The following ZNF407 variants were observed in gnomAD, a reference collection of about 807,000 sequenced individuals.
ZNF407 encodes the protein zinc finger protein 407.
A neutral mutation model predicts 131.2 loss-of-function variants in ZNF407; 17 were observed. The ratio of observed to expected loss-of-function variants is 0.13; its 90% CI spans 0.09 to 0.19. ZNF407 has a LOEUF of 0.19. Ranked by LOEUF, ZNF407 falls within the 10% of genes least tolerant of loss-of-function variation. The pLI is 1.00. For synonymous variants in ZNF407, 1,156 were observed against 1,062.0 expected, an observed-to-expected ratio of 1.09 and a Z score of -1.72; for missense variants, 2,681 against 2,830.6, an observed-to-expected ratio of 0.95 and a Z score of 1.20.
At chr18:75,019,871 C>G (rs1198397768) in intron 8 of ZNF407, among the ~76,000 whole-genome samples, 1 of 152,012 alleles carries the variant, frequency 6.6e-6, no homozygotes, top group Non-Finnish European at 1.5e-5. Context: ...TTTTGAACAA[C>G]CAGGTCTCAT....
Position 74,889,230 on chromosome 18 carries a change from C to T in ZNF407, c.5129-688C>T, listed in dbSNP as rs572175070. Reference sequence around the variant, plus strand: ...TCACCACAATGCAGTCGCCTAGTCACGCATTTCTTAGAACCTGTCCCTGCC... The same window carrying T: ...TCACCACAATGCAGTCGCCTAGTCATGCATTTCTTAGAACCTGTCCCTGCC... On this transcript the variant is annotated intron_variant, in intron 6 of 8. Coordinates refer to ENST00000299687, the MANE Select transcript of ZNF407 (RefSeq NM_017757.3). Among the ~76,000 whole-genome samples the T allele has an allele frequency of 5.9e-5, 9 of 152,206 alleles. No homozygotes were observed. In the South Asian group the frequency reaches 8.3e-4, roughly 14 times the overall value.
intron 4 of ZNF407, among the ~76,000 whole-genome samples, chr18:74,858,328 C>G (rs1237772197): frequency 6.6e-6 from 1 of 151,638 alleles, no homozygotes; most frequent in East Asian, 1.9e-4. Flanking sequence ...TTGTATTAAC[C>G]TCCTCTTACT....
At chr18:74,905,776 A>G (rs1465930324) in intron 7 of ZNF407, 1 of 152,250 alleles carries the variant, frequency 6.6e-6, no homozygotes, top group Admixed American at 6.5e-5. Flanking sequence ...ATCCCATTCA[A>G]TAAATAGCTA....
At chr18:74,922,080 C>G (rs1971853730) in intron 8 of ZNF407, among the ~76,000 whole-genome samples, 1 of 152,174 alleles carries the variant, frequency 6.6e-6, no homozygotes, top group Non-Finnish European at 1.5e-5. Context: ...CAAACAAAAA[C>G]AGAGGTCTCT....
intron 3 of ZNF407, among the ~76,000 whole-genome samples, chr18:74,729,438 T>C (rs1258164468): frequency 6.6e-6 from 1 of 152,164 alleles, no homozygotes; most frequent in Non-Finnish European, 1.5e-5. Flanking sequence ...ATGGTTTACA[T>C]AGTATGGATT....
intron 1 of ZNF407, among the ~76,000 whole-genome samples, chr18:74,606,578 A>G (rs1982818181): frequency 6.6e-6 from 1 of 152,104 alleles, no homozygotes; most frequent in African/African-American, 2.4e-5. Context: ...TGATTTTCAT[A>G]CTTGTTTTAT....
In ZNF407 at chr18:74,635,409, G is replaced by T. The variant is rs1352219321; in HGVS notation, c.4390G>T (p.Ala1464Ser). 1 of 1,613,786 alleles carries T rather than the reference G, an allele frequency of 6.2e-7. No individual in the cohort carries two copies. Among genetic ancestry groups the T allele is most frequent in the African/African-American group, 1.3e-5 (1 of 75,060 alleles). The change falls in exon 2 of 9, where the codon GCT (alanine) becomes TCT (serine). Residue 1464 changes from alanine (A) to serine (S), a missense_variant. This residue lies in a region of ZNF407 where 213 missense variants were observed against 332.2 expected (regional missense o/e 0.64). Transcript: ENST00000299687. This position sits in a 1 kb window ranked among gnomAD's most constrained non-coding sequence, Gnocchi z 4.7. ...YTESNLHQHLASAGHMRNEQA... is the reference protein window; with the variant it reads ...YTESNLHQHLSSAGHMRNEQA... ...CGAAAGCAACCTTCACCAGCATCTG[G>T]CTAGTGCCGGCCACATGAGAAATGA...
chr18:74,785,872 CTCACAT>C lies in ZNF407; in HGVS notation c.4877+4371_4877+4376del, dbSNP rs1969698815. Reference sequence around the variant, plus strand: ...CATGGCCCACATGGCACACACGTCACTCACATGGCACGCACATGGCACTCACATGGG... The same window carrying C: ...CATGGCCCACATGGCACACACGTCACGGCACGCACATGGCACTCACATGGG... On this transcript the variant is annotated intron_variant, in intron 4 of 8. Transcript: ENST00000299687. Among the ~76,000 whole-genome samples the C allele has an allele frequency of 3.7e-4, 8 of 21,892 alleles. No individual in the cohort carries two copies. In the South Asian group the frequency reaches 0.012, roughly 34 times the overall value. The allele number at this position is 21,892 out of a possible 152,430, so 14.4% of individuals were successfully genotyped here.
chr18:74,698,406 C>T (rs1967410924), intron 3 of ZNF407, among the ~76,000 whole-genome samples: 1 of 152,160 alleles, frequency 6.6e-6, no homozygotes, highest in African/African-American at 2.4e-5. Context: ...ATACCGTTGT[C>T]CTTCTGAGCT....
chr18:74,631,849 G>C lies in ZNF407; in HGVS notation c.830G>C (p.Arg277Pro). The C allele has an allele frequency of 6.2e-7, 1 of 1,614,022 alleles. No individual in the cohort carries two copies. Among genetic ancestry groups the C allele is most frequent in the Non-Finnish European group, 8.5e-7 (1 of 1,179,896 alleles). The stretch of plus-strand genomic sequence containing the variant: ...CTCCGTCGTCAGAATCTGGCTGCTC[G>C]TGGAGGATTTGTACAGATCTTAACA... ...THLRRQNLAA[R>P]GGFVQILTKQ... is the part of the protein sequence containing the mutation. The change falls in exon 2 of 9, where the codon CGT (arginine) becomes CCT (proline). Residue 277 changes from arginine (R) to proline (P), a missense_variant. By Grantham distance (103) the Arg-to-Pro change is moderately radical. This residue lies in a region of ZNF407 where 1,789 missense variants were observed against 1,748.7 expected (regional missense o/e 1.02). Transcript: ENST00000299687.
intron 4 of ZNF407, among the ~76,000 whole-genome samples, chr18:74,849,817 C>T (rs1350362456): frequency 6.6e-6 from 1 of 152,152 alleles, no homozygotes; most frequent in South Asian, 2.1e-4. Flanking sequence ...TGTTTATGTA[C>T]TGTGGAATAT....
intron 3 of ZNF407, among the ~76,000 whole-genome samples, chr18:74,715,808 A>C (rs1158995050): frequency 6.6e-6 from 1 of 152,232 alleles, no homozygotes; most frequent in African/African-American, 2.4e-5. Flanking sequence ...AGCTCTAAAA[A>C]AATCAATGTT....
chr18:74,941,629 T>G (rs1972100462), intron 8 of ZNF407, among the ~76,000 whole-genome samples: 1 of 152,208 alleles, frequency 6.6e-6, no homozygotes, highest in African/African-American at 2.4e-5. Context: ...TGGTATTACA[T>G]GGGTTAAGCA....
chr18:74,866,738 AATATT>A (rs1243192657), intron 4 of ZNF407, among the ~76,000 whole-genome samples: 4 of 150,082 alleles, frequency 2.7e-5, no homozygotes, highest in South Asian at 2.1e-4. Context: ...GTTCGGTAGA[AATATT>A]ATTTTATTCA....
intron 3 of ZNF407, among the ~76,000 whole-genome samples, chr18:74,763,705 ATTTTTTTT>A: frequency 1.4e-5 from 1 of 70,212 alleles, no homozygotes; most frequent in African/African-American, 5.2e-5. Flanking sequence ...CTTATCTTTG[ATTTTTTTT>A]TTTTTTTTTT....
chr18:74,604,043 C>G (rs1982693891), intron 1 of ZNF407, among the ~76,000 whole-genome samples: 1 of 152,080 alleles, frequency 6.6e-6, no homozygotes, highest in African/African-American at 2.4e-5. Flanking sequence ...GGGTCTGGTA[C>G]CTACAGAGCT....
chr18:74,880,889 A>G (rs1235940731), intron 5 of ZNF407, 147 bp from the exon 6 acceptor site: 3 of 728,748 alleles, frequency 4.1e-6, no homozygotes, highest in South Asian at 1.5e-5. Flanking sequence ...ATCACAGTCA[A>G]TAAACCGCAG....
chr18:74,861,342 T>C (rs1387286993), intron 4 of ZNF407, among the ~76,000 whole-genome samples: 1 of 152,184 alleles, frequency 6.6e-6, no homozygotes, highest in South Asian at 2.1e-4. Flanking sequence ...CATGCAAAAA[T>C]CCAAATGTTT....
Position 74,902,210 on chromosome 18 carries a change from G to A in ZNF407, c.5249+12172G>A, listed in dbSNP as rs189265704. Among the ~76,000 whole-genome samples, 713 of 152,248 alleles carry A rather than the reference G, an allele frequency of 4.7e-3. 8 individuals carry two copies. The highest frequency in any genetic ancestry group is 0.016 in the African/African-American group (676 of 41,546). On this transcript the variant is annotated intron_variant, in intron 7 of 8. Transcript: ENST00000299687. ...TAACCCGTCCCCACTGCTGGCCTGC[G>A]TGGAGGTTTTGATAGGGACCGTGCC... is the stretch of plus-strand genomic sequence containing the variant.
Sources: allele counts gnomAD v4.1 joint callset (sites outside exome capture counted in the v4.1 genomes callset), GRCh38; gene constraint gnomAD v4.1.1; regional missense constraint gnomAD v4.1.1; non-coding constraint Gnocchi (gnomAD v3.1); transcripts MANE v1.5; gene names NCBI Gene and HGNC (gene_info 2026-07-23, HGNC 2026-07-21).